TAS2R1: variants seen among roughly 807,000 people sequenced by gnomAD.
The protein encoded by TAS2R1 is taste 2 receptor member 1, also known as taste receptor type 2 member 1.
For synonymous variants in TAS2R1, 141 were observed against 134.2 expected, an observed-to-expected ratio of 1.05 and a Z score of -0.35; for missense variants, 370 against 353.4, an observed-to-expected ratio of 1.05 and a Z score of -0.38.
chr5:9,693,524 C>CAAA (rs35262775), intron 1 of TAS2R1, among the ~76,000 whole-genome samples: 159 of 32,592 alleles, frequency 4.9e-3, no homozygotes, highest in African/African-American at 9.0e-3. Context: ...AACTCCATCT[C>CAAA]AAAAAAAAAA....
At chr5:9,861,219 C>T in the TAS2R1 span, among the ~76,000 whole-genome samples, 3 of 151,894 alleles carry the variant, frequency 2.0e-5, no homozygotes, top group Non-Finnish European at 4.4e-5. Context: ...AGCCTTCCCC[C>T]TTAGTGGACA....
chr5:9,638,193 G>T lies in TAS2R1; in HGVS notation c.-80-8201C>A, dbSNP rs979233142. Among the ~76,000 whole-genome samples, 98 of 152,158 alleles carry T rather than the reference G, an allele frequency of 6.4e-4. 1 individual carries two copies. Among genetic ancestry groups the T allele is most frequent in the Non-Finnish European group, 2.2e-4 (15 of 68,024 alleles). Reference sequence around the variant, plus strand: ...TGGACTGACTGCAGTGATTGTTGTTGCTCTTCTGGGTTTAGCCACCCAGCA... The same window carrying T: ...TGGACTGACTGCAGTGATTGTTGTTTCTCTTCTGGGTTTAGCCACCCAGCA... On this transcript the variant is annotated intron_variant, in intron 2 of 2. Coordinates refer to the TAS2R1 transcript ENST00000506620.
At chr5:9,851,927 A>G in the TAS2R1 span, among the ~76,000 whole-genome samples, 162 of 152,306 alleles carry the variant, frequency 1.1e-3, no homozygotes, top group Non-Finnish European at 1.9e-3. Context: ...TCATTTCCAG[A>G]CAGCTTCAGA....
the TAS2R1 span, among the ~76,000 whole-genome samples, chr5:9,755,062 A>G: frequency 6.6e-6 from 1 of 152,196 alleles, no homozygotes; most frequent in Non-Finnish European, 1.5e-5. Flanking sequence ...ACAAGGGATT[A>G]GTCAGATGGG....
chr5:9,659,153 T>C (rs573202196), intron 2 of TAS2R1, among the ~76,000 whole-genome samples: 26 of 152,246 alleles, frequency 1.7e-4, no homozygotes, highest in African/African-American at 6.0e-4. Flanking sequence ...TCTGAGAAAA[T>C]GGGTAAAACC....
the TAS2R1 span, among the ~76,000 whole-genome samples, chr5:9,761,271 G>A: frequency 6.6e-6 from 1 of 152,200 alleles, no homozygotes; most frequent in Non-Finnish European, 1.5e-5. Flanking sequence ...GCAAGGAATA[G>A]CAAAACATAT....
chr5:9,810,416 G>A, the TAS2R1 span, among the ~76,000 whole-genome samples: 3 of 152,158 alleles, frequency 2.0e-5, no homozygotes, highest in Non-Finnish European at 4.4e-5. Context: ...GTTTTGTGCT[G>A]TATGAGACAG....
At chr5:9,737,448 A>G in the TAS2R1 span, among the ~76,000 whole-genome samples, 1 of 152,202 alleles carries the variant, frequency 6.6e-6, no homozygotes, top group Admixed American at 6.5e-5. Flanking sequence ...GTGTCAGGTG[A>G]AATCATGCAT....
At chr5:9,677,737 G>A (rs896736066) in intron 1 of TAS2R1, among the ~76,000 whole-genome samples, 3 of 152,126 alleles carry the variant, frequency 2.0e-5, no homozygotes, top group African/African-American at 7.2e-5. Flanking sequence ...ATAGAAAATG[G>A]TACAGCCACT....
chr5:9,638,506 G>A (rs1579762774), intron 2 of TAS2R1, among the ~76,000 whole-genome samples: 1 of 151,908 alleles, frequency 6.6e-6, no homozygotes, highest in Non-Finnish European at 1.5e-5. Flanking sequence ...CCTTCCTGGG[G>A]TCAGGGTTAT....
the TAS2R1 span, among the ~76,000 whole-genome samples, chr5:9,842,474 C>A: frequency 2.0e-5 from 3 of 151,972 alleles, no homozygotes; most frequent in Non-Finnish European, 2.9e-5. Context: ...GTGCCCACCA[C>A]CACGGCCGGC....
At chr5:9,661,467 C>T (rs186834701) in intron 1 of TAS2R1, among the ~76,000 whole-genome samples, 189 of 152,164 alleles carry the variant, frequency 1.2e-3, no homozygotes, top group Non-Finnish European at 5.0e-4. Context: ...CGTCTGGCAC[C>T]GACTGAAAAA....
At chr5:9,768,706 C>T in the TAS2R1 span, among the ~76,000 whole-genome samples, 1 of 152,210 alleles carries the variant, frequency 6.6e-6, no homozygotes, top group Non-Finnish European at 1.5e-5. Context: ...AATCAGCTAC[C>T]CTGAAATCCA....
the TAS2R1 span, among the ~76,000 whole-genome samples, chr5:9,861,586 A>T: frequency 6.6e-6 from 1 of 152,202 alleles, no homozygotes; most frequent in Admixed American, 6.5e-5. Context: ...CACTACCCAC[A>T]CACAACCAAA....
intron 2 of TAS2R1, among the ~76,000 whole-genome samples, chr5:9,652,059 T>C (rs1404312846): frequency 3.3e-5 from 5 of 152,242 alleles, no homozygotes; most frequent in Non-Finnish European, 4.4e-5. Context: ...CAGATCAAAA[T>C]GTGGGTTATT....
At chr5:9,676,317 TGAA>T (rs1740874227) in intron 1 of TAS2R1, among the ~76,000 whole-genome samples, 2 of 152,128 alleles carry the variant, frequency 1.3e-5, no homozygotes, top group Admixed American at 1.3e-4. Context: ...AATACAATGC[TGAA>T]GAAGAACAAA....
At chr5:9,880,394 T>C in the TAS2R1 span, among the ~76,000 whole-genome samples, 1 of 152,286 alleles carries the variant, frequency 6.6e-6, no homozygotes, top group Non-Finnish European at 1.5e-5. Flanking sequence ...GGAGAATAGC[T>C]GGGCCATAGA....
At chr5:9,764,743 T>C in the TAS2R1 span, among the ~76,000 whole-genome samples, 3 of 152,142 alleles carry the variant, frequency 2.0e-5, no homozygotes. Flanking sequence ...CAAGAGAACA[T>C]GGCACAGGAT....
chr5:9,793,962 T>G, the TAS2R1 span, among the ~76,000 whole-genome samples: 1 of 152,138 alleles, frequency 6.6e-6, no homozygotes, highest in Non-Finnish European at 1.5e-5. Flanking sequence ...CTCAGGAAGA[T>G]ACAGAAAACT....
Sources: gnomAD v4.1 joint callset for allele counts (sites outside exome capture counted in the v4.1 genomes callset) on GRCh38, gnomAD v4.1.1 for gene constraint, MANE v1.5 for transcripts, NCBI Gene and HGNC (gene_info 2026-07-23, HGNC 2026-07-21) for gene names.